SORCS3: variants seen among roughly 807,000 people sequenced by gnomAD.
The protein encoded by SORCS3 is sortilin related VPS10 domain containing receptor 3.
SORCS3 carries 57 observed loss-of-function variants against 146.3 expected under a neutral mutation model. The ratio of observed to expected loss-of-function variants is 0.39; its 90% CI spans 0.31 to 0.49. The LOEUF (loss-of-function observed/expected upper bound fraction) is 0.49. SORCS3 is among the 20% of genes least tolerant of loss of function. The pLI, the probability that SORCS3 is intolerant of heterozygous loss-of-function variation, is 0.92. For synonymous variants in SORCS3, 653 were observed against 618.5 expected (o/e 1.06, Z -0.83); for missense variants, 1,341 against 1,575.5 (o/e 0.85, Z 2.52).
chr10:105,218,145 C>T (rs11192367), intron 19 of SORCS3, among the ~76,000 whole-genome samples: 111 of 152,192 alleles, frequency 7.3e-4, no homozygotes, highest in East Asian at 6.0e-3. Context: ...GTCACAATGC[C>T]GGTAAAGGGA....
At chr10:105,158,748 T>C (rs2056233969) in intron 10 of SORCS3, 144 bp from the exon 11 acceptor site, 1 of 628,920 alleles carries the variant, frequency 1.6e-6, no homozygotes, top group Admixed American at 2.8e-5. Flanking sequence ...CAGGTGCGGA[T>C]ATCTCCTGCC....
chr10:104,684,106 G>A (rs538835792), intron 1 of SORCS3, among the ~76,000 whole-genome samples: 1 of 152,272 alleles, frequency 6.6e-6, no homozygotes, highest in South Asian at 2.1e-4. Flanking sequence ...TTCTGCTGTG[G>A]CTCAGGGATG....
At chr10:105,259,934 T>G (rs931653925) in intron 25 of SORCS3, among the ~76,000 whole-genome samples, 11 of 152,216 alleles carry the variant, frequency 7.2e-5, no homozygotes, top group Non-Finnish European at 7.3e-5. Context: ...GACATATCTC[T>G]TGATCTCTTC....
Position 105,245,567 on chromosome 10 carries a change from T to C in SORCS3, c.2894T>C (p.Ile965Thr). 6.2e-7 allele frequency: 1 copy of C among 1,614,144 alleles called. No homozygotes were observed. Among genetic ancestry groups the C allele is most frequent in the East Asian group, 2.2e-5 (1 of 44,870 alleles). Reference sequence around the variant, plus strand: ...CCTCTCATCACTTTGGACAGCAGCATTTCCTTCACATTCCTTGCAGAAGGA... The same window carrying C: ...CCTCTCATCACTTTGGACAGCAGCACTTCCTTCACATTCCTTGCAGAAGGA... ...TKPLITLDSS[I>T]SFTFLAEGTD... The change falls in exon 21 of 27, where the codon ATT becomes ACT. Residue 965 changes from isoleucine (I) to threonine (T), a missense_variant. Transcript: ENST00000369701.
rs991426366 is a variant in SORCS3 at position 105,176,848 on chromosome 10, C to T, written c.1902-1218C>T. On this transcript the variant is annotated intron_variant, in intron 13 of 26. Coordinates refer to ENST00000369701, the MANE Select transcript of SORCS3 (RefSeq NM_014978.3). ...CCAGCCTGGCAACGGAGTGAGACTC[C>T]GTCTCAAACAAACAAACAAACAAAA... is the stretch of plus-strand genomic sequence containing the variant. 2.3e-4 allele frequency among the ~76,000 whole-genome samples: 34 copies of T among 148,658 alleles called. No individual in the cohort carries two copies. The East Asian group carries it at 5.6e-3, about 25-fold the overall frequency.
chr10:104,996,470 G>A (rs1483015322), intron 4 of SORCS3, among the ~76,000 whole-genome samples: 1 of 151,860 alleles, frequency 6.6e-6, no homozygotes, highest in East Asian at 1.9e-4. Flanking sequence ...TTTTTAAATG[G>A]CATTTAAAAA....
intron 1 of SORCS3, among the ~76,000 whole-genome samples, chr10:104,723,050 A>G (rs1055884341): frequency 6.6e-6 from 1 of 151,982 alleles, no homozygotes; most frequent in Admixed American, 6.6e-5. Flanking sequence ...TTGCTTCTCT[A>G]GTTCTTTTAA....
chr10:104,924,082 G>A (rs1357751511), intron 3 of SORCS3, among the ~76,000 whole-genome samples: 4 of 152,196 alleles, frequency 2.6e-5, no homozygotes. Flanking sequence ...CAGATTTGTT[G>A]CTGATGGTCA....
intron 14 of SORCS3, among the ~76,000 whole-genome samples, chr10:105,195,357 A>G (rs2056538146): frequency 6.6e-6 from 1 of 152,146 alleles, no homozygotes; most frequent in South Asian, 2.1e-4. Flanking sequence ...ATTCAGAATC[A>G]AGAGGACCTT....
chr10:104,996,954 G>A (rs1000878250), intron 4 of SORCS3, among the ~76,000 whole-genome samples: 2 of 152,138 alleles, frequency 1.3e-5, no homozygotes, highest in Non-Finnish European at 2.9e-5. Context: ...TGGATGTTGA[G>A]AAGAGTGGCA....
chr10:105,143,478 C>T (rs1564765542), intron 8 of SORCS3, among the ~76,000 whole-genome samples: 1 of 152,094 alleles, frequency 6.6e-6, no homozygotes, highest in Non-Finnish European at 1.5e-5. Flanking sequence ...CCCATTTAAC[C>T]AAGGTTGTAA....
intron 3 of SORCS3, among the ~76,000 whole-genome samples, chr10:104,933,456 A>G (rs935914391): frequency 1.3e-5 from 2 of 152,148 alleles, no homozygotes; most frequent in Admixed American, 1.3e-4. Flanking sequence ...CTCCCAGCAG[A>G]GTACCATGTG....
intron 8 of SORCS3, among the ~76,000 whole-genome samples, chr10:105,145,521 T>C (rs1188038386): frequency 6.6e-6 from 1 of 152,106 alleles, no homozygotes; most frequent in Admixed American, 6.5e-5. Flanking sequence ...ATAACTTAGC[T>C]CATTCATTTT....
At chr10:105,221,040 A>G (rs1338854356) in intron 19 of SORCS3, among the ~76,000 whole-genome samples, 1 of 152,170 alleles carries the variant, frequency 6.6e-6, no homozygotes, top group Non-Finnish European at 1.5e-5. Flanking sequence ...AAGCATTCTC[A>G]CACTGTAGAT....
At chr10:104,834,078 T>A (rs1268205132) in intron 1 of SORCS3, among the ~76,000 whole-genome samples, 6 of 152,140 alleles carry the variant, frequency 3.9e-5, no homozygotes, top group Non-Finnish European at 8.8e-5. Flanking sequence ...TATATTTAGA[T>A]CCTGCCCCTC....
In SORCS3 at chr10:104,696,390, A is replaced by AATATATAATATATAATATACT. The variant is rs1554844468; in HGVS notation, c.627+54455_627+54456insCTATATATAATATATAATATA. 2.3e-4 allele frequency among the ~76,000 whole-genome samples: 3 copies of AATATATAATATATAATATACT among 12,818 alleles called. 1 individual carries two copies. Among genetic ancestry groups the AATATATAATATATAATATACT allele is most frequent in the Non-Finnish European group, 4.0e-4 (2 of 5,050 alleles). 8.4% of individuals were successfully genotyped at this position (12,818 alleles called of 152,430 possible). The stretch of plus-strand genomic sequence containing the variant: ...ATATAGTATATAATATATATTATAT[A>AATATATAATATATAATATACT]ATATATAATATATAATATAGAATAT... On this transcript the variant is annotated intron_variant, in intron 1 of 26. Coordinates refer to ENST00000369701, the MANE Select transcript of SORCS3 (RefSeq NM_014978.3).
At chr10:104,871,219 T>C (rs2018515687) in intron 2 of SORCS3, among the ~76,000 whole-genome samples, 1 of 151,970 alleles carries the variant, frequency 6.6e-6, no homozygotes, top group Non-Finnish European at 1.5e-5. Flanking sequence ...ACTATATCTG[T>C]TTTACAGACA....
chr10:105,106,930 C>T (rs577655288), intron 7 of SORCS3, among the ~76,000 whole-genome samples: 1 of 152,306 alleles, frequency 6.6e-6, no homozygotes, highest in East Asian at 1.9e-4. Flanking sequence ...CCTCAAGTTT[C>T]TGCCCTTGAC....
chr10:104,704,406 G>A (rs2016313865), intron 1 of SORCS3, among the ~76,000 whole-genome samples: 1 of 151,962 alleles, frequency 6.6e-6, no homozygotes, highest in Admixed American at 6.6e-5. Context: ...CAAACTCCTG[G>A]GCTCAAGCAA....
Sources: gnomAD v4.1 joint callset for allele counts (sites outside exome capture counted in the v4.1 genomes callset) on GRCh38, gnomAD v4.1.1 for gene constraint, MANE v1.5 for transcripts, NCBI Gene and HGNC (gene_info 2026-07-23, HGNC 2026-07-21) for gene names.